The following DAB1 variants were observed in gnomAD, a reference collection of about 807,000 sequenced individuals.
DAB1 encodes the protein DAB adaptor protein 1, also known as disabled homolog 1.
Under a neutral mutation model 64.6 loss-of-function variants are expected in DAB1, and 15 were observed. The ratio of observed to expected loss-of-function variants is 0.23; its 90% CI spans 0.16 to 0.36. DAB1 has a LOEUF of 0.36. DAB1 is among the 10% of genes least tolerant of loss of function. The probability of loss-of-function intolerance (pLI) is 1.00; values close to 1 mark genes in which losing one functional copy is unlikely to be tolerated. For missense variants in DAB1, 596 were observed against 706.7 expected (o/e 0.84, Z 1.78); for synonymous variants, 235 against 251.9 (o/e 0.93, Z 0.64).
At chr1:57,600,288 A>T (rs1348965221) in intron 7 of DAB1, among the ~76,000 whole-genome samples, 1 of 152,202 alleles carries the variant, frequency 6.6e-6, no homozygotes, top group African/African-American at 2.4e-5. Flanking sequence ...AACTCAAATA[A>T]TAGCTGTAAA....
At chr1:57,071,497 C>A (rs769700036) in intron 6 of DAB1, 25 bp downstream of exon 6, 12 of 1,599,452 alleles carry the variant, frequency 7.5e-6, no homozygotes, top group Non-Finnish European at 1.0e-5. Flanking sequence ...CGATCTCCAG[C>A]GCAAGGATAA....
chr1:57,405,548 A>T (rs1190238917), intron 1 of DAB1, among the ~76,000 whole-genome samples: 1 of 152,204 alleles, frequency 6.6e-6, no homozygotes, highest in Non-Finnish European at 1.5e-5. Context: ...TTTTTGTTTT[A>T]CCTAATTTAG....
At chr1:58,326,308 G>A (rs1027715793) in intron 4 of DAB1, among the ~76,000 whole-genome samples, 6 of 152,202 alleles carry the variant, frequency 3.9e-5, no homozygotes, top group African/African-American at 1.4e-4. Flanking sequence ...TGTTCAGTGT[G>A]TTTATGTCAA....
intron 1 of DAB1, among the ~76,000 whole-genome samples, chr1:57,360,150 A>T (rs994311321): frequency 6.6e-6 from 1 of 152,114 alleles, no homozygotes; most frequent in South Asian, 2.1e-4. Flanking sequence ...TAACAATTTC[A>T]CAATGTGTAT....
At chr1:57,566,484 G>T (rs1348102078) in intron 7 of DAB1, among the ~76,000 whole-genome samples, 3 of 152,082 alleles carry the variant, frequency 2.0e-5, no homozygotes, top group Non-Finnish European at 4.4e-5. Context: ...AATGAATCCA[G>T]GAGCTTGTTT....
chr1:57,311,838 A>T (rs1364446), intron 1 of DAB1, among the ~76,000 whole-genome samples: 6,204 of 152,298 alleles, frequency 0.041, 210 homozygotes, highest in Admixed American at 0.091. Flanking sequence ...TGACCATAAT[A>T]CAATGGCAAT....
chr1:58,521,665 T>C (rs1262044620), intron 2 of DAB1, among the ~76,000 whole-genome samples: 1 of 152,064 alleles, frequency 6.6e-6, no homozygotes, highest in East Asian at 1.9e-4. Context: ...GCCAATGATT[T>C]TGAAAATTAA....
At chr1:58,500,505 T>C (rs1199424180) in intron 3 of DAB1, among the ~76,000 whole-genome samples, 1 of 152,132 alleles carries the variant, frequency 6.6e-6, no homozygotes, top group Non-Finnish European at 1.5e-5. Flanking sequence ...TTCCTGAAAG[T>C]ATAAAGGATT....
intron 4 of DAB1, among the ~76,000 whole-genome samples, chr1:58,270,307 C>T (rs993690725): frequency 2.7e-5 from 4 of 148,316 alleles, no homozygotes; most frequent in Non-Finnish European, 4.4e-5. Flanking sequence ...TTGTTTTTCT[C>T]GGTTTGTCAA....
intron 5 of DAB1, among the ~76,000 whole-genome samples, chr1:58,038,911 A>C (rs1647089235): frequency 6.6e-6 from 1 of 152,114 alleles, no homozygotes; most frequent in African/African-American, 2.4e-5. Context: ...CCAATTCCCC[A>C]TCCCTCAATG....
At chr1:57,750,383 T>C (rs1052064954) in intron 6 of DAB1, among the ~76,000 whole-genome samples, 4 of 152,180 alleles carry the variant, frequency 2.6e-5, no homozygotes, top group Admixed American at 2.6e-4. Flanking sequence ...ATACTTCTGA[T>C]TTCTAACACT....
chr1:57,205,017 T>C (rs1665424857), intron 2 of DAB1, among the ~76,000 whole-genome samples: 1 of 152,210 alleles, frequency 6.6e-6, no homozygotes, highest in Non-Finnish European at 1.5e-5. Context: ...GGCTGTTTTG[T>C]GGGAAATTCA....
intron 5 of DAB1, among the ~76,000 whole-genome samples, chr1:58,052,074 T>A (rs1647709278): frequency 6.6e-6 from 1 of 152,234 alleles, no homozygotes; most frequent in South Asian, 2.1e-4. Context: ...CTATTTTGGC[T>A]TTTGTTGCCA....
chr1:58,497,068 T>C (rs1259588851), intron 3 of DAB1, among the ~76,000 whole-genome samples: 1 of 152,204 alleles, frequency 6.6e-6, no homozygotes, highest in Non-Finnish European at 1.5e-5. Flanking sequence ...GAAGCTTAGT[T>C]GCATCACCTA....
chr1:57,259,785 A>T (rs1419957457), intron 2 of DAB1, among the ~76,000 whole-genome samples: 2 of 152,198 alleles, frequency 1.3e-5, no homozygotes, highest in African/African-American at 4.8e-5. Flanking sequence ...AGCTTCTGCA[A>T]CCCTGACATG....
intron 6 of DAB1, among the ~76,000 whole-genome samples, chr1:57,795,057 T>A (rs1650778465): frequency 6.6e-6 from 1 of 152,268 alleles, no homozygotes; most frequent in Non-Finnish European, 1.5e-5. Context: ...ATGACCCATG[T>A]CATAGCCCGA....
chr1:57,321,102 G>A (rs1675680625), intron 1 of DAB1, among the ~76,000 whole-genome samples: 1 of 152,174 alleles, frequency 6.6e-6, no homozygotes, highest in African/African-American at 2.4e-5. Context: ...ACACAGCTAA[G>A]GAGTAGCAAT....
At chr1:58,454,578 A>G (rs1329291769) in intron 3 of DAB1, among the ~76,000 whole-genome samples, 1 of 152,118 alleles carries the variant, frequency 6.6e-6, no homozygotes, top group Non-Finnish European at 1.5e-5. Flanking sequence ...TCAAGGAGGC[A>G]AGGAAAGGAA....
chr1:58,061,048 G>A (rs1447370102), intron 5 of DAB1, among the ~76,000 whole-genome samples: 1 of 152,188 alleles, frequency 6.6e-6, no homozygotes, highest in African/African-American at 2.4e-5. Context: ...CAGGGGAAAG[G>A]ACCAGTCGTG....
Sources: gnomAD v4.1 joint callset for allele counts (sites outside exome capture counted in the v4.1 genomes callset) on GRCh38, gnomAD v4.1.1 for gene constraint, MANE v1.5 for transcripts, NCBI Gene and HGNC (gene_info 2026-07-23, HGNC 2026-07-21) for gene names.